The following L1TD1 variants were observed in gnomAD, a reference collection of about 807,000 sequenced individuals.
L1TD1 encodes LINE-1 type transposase domain-containing protein 1.
L1TD1 carries 26 observed loss-of-function variants against 25.7 expected under a neutral mutation model. The ratio of observed to expected loss-of-function variants is 1.01; its 90% CI spans 0.74 to 1.40. The LOEUF (loss-of-function observed/expected upper bound fraction) is 1.40. Among genes scored for constraint, L1TD1 ranks in the 40% most tolerant of loss-of-function variants. L1TD1 has a pLI of 0.00. For missense variants in L1TD1, 1,130 were observed against 975.0 expected, an observed-to-expected ratio of 1.16 and a Z score of -2.12; for synonymous variants, 421 against 335.6, an observed-to-expected ratio of 1.25 and a Z score of -2.78.
chr1:62,208,539 G>C (rs1670797504), intron 3 of L1TD1: 1 of 150,798 alleles, frequency 6.6e-6, no homozygotes, highest in African/African-American at 2.4e-5. Context: ...GGGTGCAGTG[G>C]CTCAATCTGG....
chr1:62,206,984 T>C lies in L1TD1; in HGVS notation c.356T>C (p.Ile119Thr). The change falls in exon 3 of 4, where the codon ATA (isoleucine) becomes ACA (threonine). Residue 119 changes from isoleucine (I) to threonine (T), a missense_variant. Physicochemically the swap from Ile to Thr is moderately conservative, Grantham distance 89. Coordinates refer to ENST00000498273, the MANE Select transcript of L1TD1 (RefSeq NM_019079.5). ...CAAAAAACAGGGATGGTAGGGAAAA[T>C]AGAAGGAGAAAACTCTAAAATAGGT... ...ALQKTGMVGK[I>T]EGENSKIGDD... 6.2e-7 allele frequency: 1 copy of C among 1,612,830 alleles called. No individual in the cohort carries two copies. Among genetic ancestry groups the C allele is most frequent in the Non-Finnish European group, 8.5e-7 (1 of 1,179,698 alleles).
At chr1:62,196,046 A>T (rs1670532814) in intron 1 of L1TD1, among the ~76,000 whole-genome samples, 1 of 152,230 alleles carries the variant, frequency 6.6e-6, no homozygotes, top group South Asian at 2.1e-4. Context: ...CAAAAAAAAA[A>T]AAAAGTGTTT....
At position 62,205,441 on chromosome 1, in the gene L1TD1, A is replaced by ATTTTTTTTTTTTTTTTTTTTTT. The variant is rs1447667211; in HGVS notation, c.-110-1077_-110-1076insTTTTTTTTTTTTTTTTTTTTTT. Among the ~76,000 whole-genome samples, 16 of 53,864 alleles carry ATTTTTTTTTTTTTTTTTTTTTT rather than the reference A, an allele frequency of 3.0e-4. 1 individual carries two copies. Among genetic ancestry groups the ATTTTTTTTTTTTTTTTTTTTTT allele is most frequent in the South Asian group, 1.4e-3 (2 of 1,430 alleles). 35.3% of individuals were successfully genotyped at this position (53,864 alleles called of 152,430 possible). ...TCTATATATATATATATATATATAT[A>ATTTTTTTTTTTTTTTTTTTTTT]TATTTTTTTTTAGACAGTCTTGCTG... is the stretch of plus-strand genomic sequence containing the variant. On this transcript the variant is annotated intron_variant, in intron 2 of 3. Transcript: ENST00000498273.
rs1459258764 is a variant in L1TD1 at position 62,211,277 on chromosome 1, G to A, written c.2503G>A (p.Gly835Ser). 1.2e-6 allele frequency: 2 copies of A among 1,611,078 alleles called. No individual in the cohort carries two copies. Among genetic ancestry groups the A allele is most frequent in the Non-Finnish European group, 1.7e-6 (2 of 1,178,394 alleles). ...AGCCAAAATGGCATTTGATTTTAGG[G>A]GTAAAACAAAGGTATTTCTTAGTAT... Reference protein sequence around the residue: ...YPAKMAFDFRGKTKVFLSIEE... With the variant: ...YPAKMAFDFRSKTKVFLSIEE... The change falls in exon 4 of 4, where the codon GGT becomes AGT. Residue 835 changes from glycine to serine, a missense_variant. By Grantham distance (56) the Gly-to-Ser change is moderately conservative. Transcript: ENST00000498273.
chr1:62,207,388 C>G lies in L1TD1; in HGVS notation c.760C>G (p.Leu254Val). Residue 254 changes from leucine to valine, a missense_variant, in exon 3 of 4, where the codon CTG becomes GTG. By Grantham distance (32) the Leu-to-Val change is conservative. Coordinates refer to ENST00000498273, the MANE Select transcript of L1TD1 (RefSeq NM_019079.5). ...GGTAGCCGACCTTTCATCAGCAACA[C>G]TGGATATTAGTAAGCAATGGAGTAA... ...TLVADLSSAT[L>V]DISKQWSNVF... 1 of 1,551,584 alleles carries G rather than the reference C, an allele frequency of 6.4e-7. No homozygotes were observed. Among genetic ancestry groups the G allele is most frequent in the South Asian group, 1.2e-5 (1 of 84,060 alleles).
At chr1:62,196,337 T>C (rs912100116) in intron 1 of L1TD1, 98 bp from the exon 2 acceptor site, 1 of 152,180 alleles carries the variant, frequency 6.6e-6, no homozygotes, top group African/African-American at 2.4e-5. Flanking sequence ...AACACATGCA[T>C]AGATAAGTGC....
At chr1:62,209,753 TC>T (rs760226268) in intron 3 of L1TD1, 29 bp from the exon 4 acceptor site, 19 of 1,399,158 alleles carry the variant, frequency 1.4e-5, no homozygotes, top group Non-Finnish European at 1.7e-5. Flanking sequence ...AACAAATAAC[TC>T]TTTTTTTTCT....
At chr1:62,199,646 G>A (rs1670605978) in intron 2 of L1TD1, among the ~76,000 whole-genome samples, 1 of 152,090 alleles carries the variant, frequency 6.6e-6, no homozygotes, top group Non-Finnish European at 1.5e-5. Context: ...GAGTTTGAGT[G>A]TAGCCTCGGC....
Position 62,210,045 on chromosome 1 carries a change from T to G in L1TD1, c.1271T>G (p.Leu424Trp), listed in dbSNP as rs1670831799. Residue 424 changes from leucine to tryptophan, a missense_variant, in exon 4 of 4, where the codon TTG becomes TGG. Physicochemically the swap from Leu to Trp is moderately conservative, Grantham distance 61. Transcript: ENST00000498273. ...EEEEEEEASG[L>W]EEDEASGLEE... ...GAAGAAGAAGAAGAGGCTTCAGGGTTGGAGGAGGATGAGGCCTCAGGGCTA... is the reference window on the plus strand; with the variant it reads ...GAAGAAGAAGAAGAGGCTTCAGGGTGGGAGGAGGATGAGGCCTCAGGGCTA... 1 of 1,612,618 alleles carries G rather than the reference T, an allele frequency of 6.2e-7. No individual in the cohort carries two copies. The highest frequency in any genetic ancestry group is 2.2e-5 in the East Asian group (1 of 44,832).
At chr1:62,202,466 T>G (rs1160274142) in intron 2 of L1TD1, among the ~76,000 whole-genome samples, 1 of 152,022 alleles carries the variant, frequency 6.6e-6, no homozygotes, top group African/African-American at 2.4e-5. Flanking sequence ...GCTCATATTT[T>G]GGAAGTTACT....
In L1TD1 at chr1:62,207,349, G is replaced by C. The variant is rs1436784130; in HGVS notation, c.721G>C (p.Ala241Pro). ...REEKVLMDEG[A>P]VLTLVADLSS... ...AGAAAAAGTGTTGATGGATGAAGGA[G>C]CAGTACTTACCCTGGTAGCCGACCT... Residue 241 changes from alanine to proline, a missense_variant, in exon 3 of 4, where the codon GCA (alanine) becomes CCA (proline). Ala to Pro is a conservative substitution (Grantham distance 27). Coordinates refer to ENST00000498273, the MANE Select transcript of L1TD1 (RefSeq NM_019079.5). The C allele has an allele frequency of 6.4e-7, 1 of 1,551,514 alleles. No homozygotes were observed. The highest frequency in any genetic ancestry group is 2.0e-5 in the Admixed American group (1 of 50,996).
chr1:62,195,851 C>T (rs1034154047), intron 1 of L1TD1, among the ~76,000 whole-genome samples: 1 of 32,208 alleles, frequency 3.1e-5, no homozygotes, highest in Non-Finnish European at 5.4e-5. Flanking sequence ...CCATCCTGGC[C>T]AACTTGGGAA....
chr1:62,204,429 T>C (rs1176459099), intron 2 of L1TD1, among the ~76,000 whole-genome samples: 1 of 152,246 alleles, frequency 6.6e-6, no homozygotes, highest in Non-Finnish European at 1.5e-5. Context: ...CTCCATTAGT[T>C]TGACTGAATA....
At chr1:62,203,872 A>G (rs1670687955) in intron 2 of L1TD1, among the ~76,000 whole-genome samples, 2 of 152,096 alleles carry the variant, frequency 1.3e-5, no homozygotes, top group South Asian at 4.1e-4. Context: ...GGTGTAAGCC[A>G]CCACGCCTGG....
In L1TD1 at chr1:62,211,474, C is replaced by T. The variant is rs1670870941; in HGVS notation, c.*102C>T. 2.0e-6 allele frequency: 3 copies of T among 1,490,514 alleles called. No individual in the cohort carries two copies. Among genetic ancestry groups the T allele is most frequent in the Non-Finnish European group, 2.7e-6 (3 of 1,126,384 alleles). 92.3% of individuals were successfully genotyped at this position (1,490,514 alleles called of 1,614,324 possible). On this transcript the variant is annotated 3_prime_UTR_variant, in exon 4 of 4. Coordinates refer to ENST00000498273, the MANE Select transcript of L1TD1 (RefSeq NM_019079.5). ...CACTTCTACCCAGAAGGATGGACAG[C>T]TAATAGCGTACTTGGGGATGAGGAG...
chr1:62,195,226 G>A (rs1001248737), intron 1 of L1TD1, among the ~76,000 whole-genome samples: 11 of 152,032 alleles, frequency 7.2e-5, no homozygotes, highest in African/African-American at 2.4e-4. Flanking sequence ...GGTACGTGAG[G>A]CCCGAGGTGC....
intron 2 of L1TD1, among the ~76,000 whole-genome samples, chr1:62,202,698 C>T (rs183182579): frequency 0.045 from 4,343 of 96,118 alleles, 88 homozygotes; most frequent in Middle Eastern, 0.085. Flanking sequence ...TTTTTTGAGA[C>T]AGAGTCTTGC....
chr1:62,210,614 G>A lies in L1TD1; in HGVS notation c.1840G>A (p.Glu614Lys), dbSNP rs370890823. The change falls in exon 4 of 4, where the codon GAA becomes AAA. Residue 614 changes from glutamate to lysine, a missense_variant. Physicochemically the swap from Glu to Lys is moderately conservative, Grantham distance 56. Coordinates refer to ENST00000498273, the MANE Select transcript of L1TD1 (RefSeq NM_019079.5). Reference protein sequence around the residue: ...SKEADLTEETEENLRSSVINS... With the variant: ...SKEADLTEETKENLRSSVINS... ...AGAAGCAGACTTAACAGAGGAAACAGAAGAAAACTTGAGAAGTAGTGTGAT... is the reference window on the plus strand; with the variant it reads ...AGAAGCAGACTTAACAGAGGAAACAAAAGAAAACTTGAGAAGTAGTGTGAT... The A allele has an allele frequency of 6.2e-6, 10 of 1,601,420 alleles. No individual in the cohort carries two copies. In the Admixed American group the frequency reaches 6.9e-5, roughly 11 times the overall value.
chr1:62,203,582 T>A (rs1013921564), intron 2 of L1TD1, among the ~76,000 whole-genome samples: 4 of 152,126 alleles, frequency 2.6e-5, no homozygotes, highest in Admixed American at 2.6e-4. Flanking sequence ...GTCTGGCTAA[T>A]GTTTTTTTTC....
Sources: allele counts gnomAD v4.1 joint callset (sites outside exome capture counted in the v4.1 genomes callset), GRCh38; gene constraint gnomAD v4.1.1; transcripts MANE v1.5; gene names NCBI Gene and HGNC (gene_info 2026-07-23, HGNC 2026-07-21).